Variants in CPB2 observed in about 807,000 individuals in gnomAD.
CPB2 encodes carboxypeptidase B2.
A neutral mutation model predicts 57.0 loss-of-function variants in CPB2; 54 were observed. The observed-to-expected ratio is 0.95, with a 90% CI of 0.76 to 1.19. The LOEUF is 1.19. Among genes scored for constraint, CPB2 ranks in the 50% most tolerant of loss-of-function variants. The pLI, the probability that CPB2 is intolerant of heterozygous loss-of-function variation, is 0.00. For missense variants in CPB2, 426 were observed against 512.0 expected, an observed-to-expected ratio of 0.83 and a Z score of 1.62; for synonymous variants, 189 against 178.1, an observed-to-expected ratio of 1.06 and a Z score of -0.49.
chr13:46,062,892 T>G (rs2044795714), intron 8 of CPB2, among the ~76,000 whole-genome samples: 1 of 152,196 alleles, frequency 6.6e-6, no homozygotes, highest in Non-Finnish European at 1.5e-5. Context: ...TTTGATAAAA[T>G]GTTTAAAATC....
chr13:46,072,758 T>G (rs1463792341), intron 6 of CPB2, among the ~76,000 whole-genome samples: 2 of 152,180 alleles, frequency 1.3e-5, no homozygotes, highest in African/African-American at 4.8e-5. Flanking sequence ...GCCCTTCTCA[T>G]GTTCAGTGAT....
intron 4 of CPB2, among the ~76,000 whole-genome samples, chr13:46,082,236 C>T (rs2045129195): frequency 6.6e-6 from 1 of 152,136 alleles, no homozygotes; most frequent in African/African-American, 2.4e-5. Context: ...AGACAAACAT[C>T]CTGCAGTTTA....
chr13:46,101,563 C>T (rs1304989595), intron 1 of CPB2, among the ~76,000 whole-genome samples: 1 of 152,106 alleles, frequency 6.6e-6, no homozygotes, highest in African/African-American at 2.4e-5. Context: ...TGTCATGGGG[C>T]AATGGGAGAC....
intron 7 of CPB2, among the ~76,000 whole-genome samples, chr13:46,066,090 A>G (rs181059458): frequency 2.0e-5 from 3 of 152,276 alleles, no homozygotes; most frequent in East Asian, 1.9e-4. Flanking sequence ...TGCCATTTCC[A>G]TATCTTCTGC....
At chr13:46,074,375 T>G (rs564998284) in intron 5 of CPB2, among the ~76,000 whole-genome samples, 2 of 152,266 alleles carry the variant, frequency 1.3e-5, no homozygotes, top group African/African-American at 4.8e-5. Context: ...CCGGGAGGTG[T>G]GGAGACACAC....
At chr13:46,067,760 C>T (rs1403221713) in intron 6 of CPB2, among the ~76,000 whole-genome samples, 1 of 152,182 alleles carries the variant, frequency 6.6e-6, no homozygotes, top group East Asian at 1.9e-4. Context: ...GCTCCTTTTT[C>T]TGTAATTCAT....
At chr13:46,096,575 C>T (rs17844002) in intron 1 of CPB2, 53,004 of 151,708 alleles carry the variant, frequency 0.35, 9,413 homozygotes, top group Middle Eastern at 0.39. Context: ...GTCAGGAGTT[C>T]GAGACGAGCC....
Position 46,073,939 on chromosome 13 carries a change from C to T in CPB2, c.525G>A (p.Trp175Ter). 6.3e-7 allele frequency: 1 copy of T among 1,590,388 alleles called. No individual in the cohort carries two copies. The highest frequency in any genetic ancestry group is 8.6e-7 in the Non-Finnish European group (1 of 1,161,606). The change falls in exon 6 of 11, where the codon TGG becomes TGA. Residue 175 changes from tryptophan (W) to a stop codon, truncating the protein, a stop_gained. Coordinates refer to ENST00000181383, the MANE Select transcript of CPB2 (RefSeq NM_001872.5). LOFTEE classifies it high-confidence loss of function. ...GKEQAAKNAI[W>*]IDCGIHAREW... is the part of the protein sequence containing the mutation. ...CTCTGGCATGGATTCCACAGTCAATCCATATGGCATTTTTGGCTGCTTGTT... is the reference window on the plus strand; with the variant it reads ...CTCTGGCATGGATTCCACAGTCAATTCATATGGCATTTTTGGCTGCTTGTT...
At chr13:46,062,890 A>C (rs1030429046) in intron 8 of CPB2, among the ~76,000 whole-genome samples, 5 of 152,194 alleles carry the variant, frequency 3.3e-5, no homozygotes, top group Admixed American at 2.0e-4. Flanking sequence ...ATTTTGATAA[A>C]ATGTTTAAAA....
intron 2 of CPB2, among the ~76,000 whole-genome samples, chr13:46,085,182 T>C (rs908816224): frequency 6.6e-6 from 1 of 152,190 alleles, no homozygotes; most frequent in Non-Finnish European, 1.5e-5. Context: ...TTTCCTTTGA[T>C]ATTTATAACG....
chr13:46,072,848 A>T (rs2044963818), intron 6 of CPB2, among the ~76,000 whole-genome samples: 1 of 152,154 alleles, frequency 6.6e-6, no homozygotes, highest in South Asian at 2.1e-4. Context: ...ACCTAAAATA[A>T]CCAAACTACT....
Position 46,053,345 on chromosome 13 carries a change from C to G in CPB2, c.*269G>C, listed in dbSNP as rs940. 0.77 allele frequency: 236,744 copies of G among 306,836 alleles called. 92,060 individuals carry two copies. The highest frequency in any genetic ancestry group is 0.87 in the African/African-American group (40,997 of 47,084). 19.0% of individuals were successfully genotyped at this position (306,836 alleles called of 1,614,324 possible). On this transcript the variant is annotated 3_prime_UTR_variant, in exon 11 of 11. Coordinates refer to ENST00000181383, the MANE Select transcript of CPB2 (RefSeq NM_001872.5). ...TGAGATGGCTAGTCAAACGTCGAAA[C>G]TTGCTTGAGATGGCTAGTCAAACGT... is the stretch of plus-strand genomic sequence containing the variant.
intron 7 of CPB2, among the ~76,000 whole-genome samples, 172 bp from the exon 8 acceptor site, chr13:46,064,913 T>C (rs1281729091): frequency 3.9e-5 from 6 of 152,228 alleles, no homozygotes; most frequent in African/African-American, 4.8e-5. Context: ...ACGGTCCCTA[T>C]TGCTATCCGG....
chr13:46,083,000 A>G (rs2139394289), intron 3 of CPB2, among the ~76,000 whole-genome samples: 1 of 151,050 alleles, frequency 6.6e-6, no homozygotes, highest in Non-Finnish European at 1.5e-5. Context: ...GACCTGCATC[A>G]GATGTTCTGC....
intron 7 of CPB2, among the ~76,000 whole-genome samples, chr13:46,067,057 G>A (rs888223398): frequency 1.3e-5 from 2 of 151,688 alleles, no homozygotes; most frequent in Non-Finnish European, 2.9e-5. Flanking sequence ...GTAGAAGTGG[G>A]TAGAGAGAAT....
chr13:46,091,108 T>C (rs1305843562), intron 1 of CPB2, among the ~76,000 whole-genome samples: 2 of 152,198 alleles, frequency 1.3e-5, no homozygotes, highest in African/African-American at 4.8e-5. Context: ...CTCTAAGCTC[T>C]TTTTTGCTAA....
chr13:46,086,366 T>C (rs1288620606), intron 2 of CPB2, among the ~76,000 whole-genome samples: 1 of 152,114 alleles, frequency 6.6e-6, no homozygotes, highest in Non-Finnish European at 1.5e-5. Flanking sequence ...GGAGCTTTAC[T>C]GAGTAATAGA....
chr13:46,099,579 T>C (rs1273169409), intron 1 of CPB2: 1 of 152,206 alleles, frequency 6.6e-6, no homozygotes, highest in East Asian at 1.9e-4. Flanking sequence ...CAAGTCCATG[T>C]AGAGGAAGTC....
At position 46,055,783 on chromosome 13, in the gene CPB2, C is replaced by T. The variant is rs2044689165; in HGVS notation, c.1066G>A (p.Gly356Ser). The T allele has an allele frequency of 6.3e-7, 1 of 1,596,298 alleles. No individual in the cohort carries two copies. The highest frequency in any genetic ancestry group is 8.6e-7 in the Non-Finnish European group (1 of 1,168,068). ...TTACATAAGGTTTCTGAGCCATGGCCATGTGTATACCTGGTATTTTTACTA... is the reference window on the plus strand; with the variant it reads ...TTACATAAGGTTTCTGAGCCATGGCTATGTGTATACCTGGTATTTTTACTA... ...KISKNTRYTH[G>S]HGSETLYLAP... The change falls in exon 10 of 11, where the codon GGC becomes AGC. Residue 356 changes from glycine to serine, a missense_variant. Gly to Ser is a moderately conservative substitution (Grantham distance 56). Coordinates refer to ENST00000181383, the MANE Select transcript of CPB2 (RefSeq NM_001872.5).
Sources: allele counts gnomAD v4.1 joint callset (sites outside exome capture counted in the v4.1 genomes callset), GRCh38; gene constraint gnomAD v4.1.1; transcripts MANE v1.5; gene names NCBI Gene and HGNC (gene_info 2026-07-23, HGNC 2026-07-21).